OR7E24: variants seen among roughly 807,000 people sequenced by gnomAD.
OR7E24 encodes olfactory receptor family 7 subfamily E member 24.
For missense variants in OR7E24, 385 were observed against 410.3 expected, an observed-to-expected ratio of 0.94 and a Z score of 0.53; for synonymous variants, 130 against 157.5, an observed-to-expected ratio of 0.83 and a Z score of 1.31.
the OR7E24 span, chr19:9,213,426 T>G: frequency 2.7e-5 from 4 of 149,988 alleles, no homozygotes; most frequent in Non-Finnish European, 5.9e-5. Context: ...TTGTTTTTGA[T>G]TAAAAAAAAA....
chr19:9,240,493 A>C, the OR7E24 span, among the ~76,000 whole-genome samples: 3 of 151,908 alleles, frequency 2.0e-5, no homozygotes, highest in Non-Finnish European at 2.9e-5. Flanking sequence ...TCCTTTCCCC[A>C]CTGTGTGTTC....
the OR7E24 span, among the ~76,000 whole-genome samples, chr19:9,240,000 C>T: frequency 6.6e-6 from 1 of 152,158 alleles, no homozygotes; most frequent in Non-Finnish European, 1.5e-5. Context: ...GCCACTGTGC[C>T]TGGCCTGAAT....
the OR7E24 span, chr19:9,208,591 C>G: frequency 3.3e-5 from 5 of 152,082 alleles, no homozygotes; most frequent in East Asian, 7.7e-4. Context: ...TTACTTTACA[C>G]TGAGCTACCA....
chr19:9,215,071 A>G, the OR7E24 span, among the ~76,000 whole-genome samples: 6 of 152,232 alleles, frequency 3.9e-5, no homozygotes, highest in South Asian at 6.2e-4. Context: ...TTGGCCGGGC[A>G]TGGTGGCTCA....
chr19:9,243,723 T>C (rs1252933806), upstream of OR7E24, among the ~76,000 whole-genome samples: 1 of 152,226 alleles, frequency 6.6e-6, no homozygotes, highest in East Asian at 1.9e-4. Context: ...GGTGCAATTG[T>C]TGCTCCTTGC....
At chr19:9,221,648 GCTGT>G in the OR7E24 span, among the ~76,000 whole-genome samples, 2 of 151,908 alleles carry the variant, frequency 1.3e-5, no homozygotes, top group African/African-American at 2.4e-5. Context: ...ACCGCGCCAG[GCTGT>G]CTTTTGCCCA....
chr19:9,234,686 C>T, the OR7E24 span, among the ~76,000 whole-genome samples: 127 of 152,196 alleles, frequency 8.3e-4, no homozygotes, highest in South Asian at 1.5e-3. Context: ...CACATGTCCC[C>T]CATAAATGAG....
chr19:9,251,815 A>C lies in OR7E24; in HGVS notation c.772A>C (p.Thr258Pro). Residue 258 changes from threonine to proline, a missense_variant, in exon 1 of 1, where the codon ACC becomes CCC. Physicochemically the swap from Thr to Pro is conservative, Grantham distance 38. Transcript: ENST00000456448. ...AGATGGGAAGTATAAAGCCTTCTCC[A>C]CCTGTGGCTCTCACCTGGCAGTTGT... ...TSDGKYKAFS[T>P]CGSHLAVVCL... is the part of the protein sequence containing the mutation. The C allele has an allele frequency of 6.2e-7, 1 of 1,613,418 alleles. No individual in the cohort carries two copies. Among genetic ancestry groups the C allele is most frequent in the Non-Finnish European group, 8.5e-7 (1 of 1,179,676 alleles).
At chr19:9,242,794 C>T (rs79665448), upstream of OR7E24, among the ~76,000 whole-genome samples, 3,672 of 152,138 alleles carry the variant, frequency 0.024, 152 homozygotes, top group African/African-American at 0.084. Context: ...TTGCTTCCTT[C>T]TTTGTGATTA....
the OR7E24 span, among the ~76,000 whole-genome samples, chr19:9,239,927 T>A: frequency 3.5e-4 from 54 of 152,206 alleles, no homozygotes; most frequent in African/African-American, 1.3e-3. Context: ...CAGGCTGGTC[T>A]CGAACTGACC....
the OR7E24 span, chr19:9,236,007 C>T: frequency 3.4e-5 from 54 of 1,611,338 alleles, no homozygotes; most frequent in Non-Finnish European, 4.2e-5. Context: ...TGAACCCCTT[C>T]ATCTACAGCC....
chr19:9,207,966 C>G, the OR7E24 span: 14 of 152,210 alleles, frequency 9.2e-5, no homozygotes, highest in African/African-American at 3.4e-4. Flanking sequence ...CAGTAACAAT[C>G]AAGCCAACTC....
the OR7E24 span, among the ~76,000 whole-genome samples, chr19:9,223,592 C>T: frequency 9.1e-3 from 1,388 of 151,724 alleles, 27 homozygotes; most frequent in African/African-American, 0.032. Context: ...CTTGCAGTTC[C>T]ACCCTTTGCA....
the OR7E24 span, among the ~76,000 whole-genome samples, chr19:9,229,661 C>T: frequency 2.6e-5 from 4 of 152,252 alleles, no homozygotes; most frequent in South Asian, 4.1e-4. Context: ...CTCCCACTAC[C>T]GCTGCAAAAT....
chr19:9,215,757 G>T, the OR7E24 span, among the ~76,000 whole-genome samples: 1 of 152,062 alleles, frequency 6.6e-6, no homozygotes, highest in Admixed American at 6.6e-5. Context: ...TTCCTTTTAT[G>T]ATAATTACTT....
chr19:9,208,807 T>C, the OR7E24 span: 1 of 150,266 alleles, frequency 6.7e-6, no homozygotes, highest in Non-Finnish European at 1.5e-5. Flanking sequence ...TTCTCCTGCC[T>C]CAGCCTCCCA....
the OR7E24 span, among the ~76,000 whole-genome samples, chr19:9,226,384 C>T: frequency 6.6e-6 from 1 of 152,194 alleles, no homozygotes; most frequent in South Asian, 2.1e-4. Context: ...TTTCCACTGG[C>T]TGGAACGGGA....
chr19:9,216,442 A>G, the OR7E24 span, among the ~76,000 whole-genome samples: 1 of 152,336 alleles, frequency 6.6e-6, no homozygotes, highest in Non-Finnish European at 1.5e-5. Flanking sequence ...GAACTGTCTT[A>G]GCTGCAGCTA....
chr19:9,246,311 G>C (rs1010795475), upstream of OR7E24, among the ~76,000 whole-genome samples: 3 of 151,810 alleles, frequency 2.0e-5, no homozygotes, highest in Non-Finnish European at 4.4e-5. Context: ...CTCGTGATCT[G>C]CCTGCCTTGG....
Sources: allele counts gnomAD v4.1 joint callset (sites outside exome capture counted in the v4.1 genomes callset), GRCh38; gene constraint gnomAD v4.1.1; transcripts MANE v1.5; gene names NCBI Gene and HGNC (gene_info 2026-07-23, HGNC 2026-07-21).